Variants in SLC13A2 observed in about 807,000 individuals in gnomAD.
The protein encoded by SLC13A2 is solute carrier family 13 member 2.
Under a neutral mutation model 58.5 loss-of-function variants are expected in SLC13A2, and 40 were observed. The ratio of observed to expected loss-of-function variants is 0.68; its 90% CI spans 0.53 to 0.89. SLC13A2 has a LOEUF of 0.89. Among genes scored for constraint, SLC13A2 ranks in the 40% least tolerant of loss-of-function variants. The pLI, the probability that SLC13A2 is intolerant of heterozygous loss-of-function variation, is 0.00. For missense variants in SLC13A2, 694 were observed against 772.6 expected, an observed-to-expected ratio of 0.90 and a Z score of 1.21; for synonymous variants, 341 against 331.6, an observed-to-expected ratio of 1.03 and a Z score of -0.31.
At chr17:28,480,482 T>C (rs1424749766) in intron 1 of SLC13A2, among the ~76,000 whole-genome samples, 1 of 152,180 alleles carries the variant, frequency 6.6e-6, no homozygotes, top group Admixed American at 6.5e-5. Context: ...TTGAGATTTC[T>C]TGGCCCTCAG....
In SLC13A2 at chr17:28,494,370, C is replaced by T. The variant is rs2069096775; in HGVS notation, c.1187-21C>T. 1.2e-6 allele frequency: 2 copies of T among 1,614,192 alleles called. No individual in the cohort carries two copies. Among genetic ancestry groups the T allele is most frequent in the Non-Finnish European group, 1.7e-6 (2 of 1,180,032 alleles). ...GCCTGTTTGTTCTTTGGTGACCCAT[C>T]CTTCTCTGCTTGGGAAGTAGAAAAC... On this transcript the variant is annotated intron_variant, in intron 8 of 11. Transcript: ENST00000314669. The surrounding 1 kb of genome is among the most constrained non-coding windows in gnomAD (Gnocchi z 4.0).
At position 28,494,067 on chromosome 17, in the gene SLC13A2, T is replaced by C; in HGVS notation, c.1148T>C (p.Ile383Thr). ...VAIFIGIIMF[I>T]IPSKFPGLTQ... is the part of the protein sequence containing the mutation. ...ATCTTCATCGGCATAATTATGTTCA[T>C]CATACCCTCCAAGTTCCCAGGGCTG... is the stretch of plus-strand genomic sequence containing the variant. Residue 383 changes from isoleucine (I) to threonine (T), a missense_variant, in exon 8 of 12, where the codon ATC (isoleucine) becomes ACC (threonine). By Grantham distance (89) the Ile-to-Thr change is moderately conservative (BLOSUM62 -1). Transcript: ENST00000314669. The surrounding 1 kb of genome is among the most constrained non-coding windows in gnomAD (Gnocchi z 4.0). 2.5e-6 allele frequency: 4 copies of C among 1,614,070 alleles called. No individual in the cohort carries two copies. Among genetic ancestry groups the C allele is most frequent in the Non-Finnish European group, 3.4e-6 (4 of 1,180,000 alleles).
At position 28,490,580 on chromosome 17, in the gene SLC13A2, C is replaced by T. The variant is rs782296247; in HGVS notation, c.358C>T (p.Arg120Trp). 2.0e-5 allele frequency: 32 copies of T among 1,597,662 alleles called. No individual in the cohort carries two copies. Among genetic ancestry groups the T allele is most frequent in the Middle Eastern group, 1.7e-4 (1 of 6,014 alleles). The change falls in exon 3 of 12, where the codon CGG becomes TGG. Residue 120 changes from arginine (R) to tryptophan (W), a missense_variant. Arg to Trp is a moderately radical substitution (Grantham distance 101). Coordinates refer to ENST00000314669, the MANE Select transcript of SLC13A2 (RefSeq NM_003984.4). Reference sequence around the variant, plus strand: ...CCGTGTCCTCCTCATCGTTGGGGTGCGGCCTGCCCCGTGAGTTCCTCCTGC... The same window carrying T: ...CCGTGTCCTCCTCATCGTTGGGGTGTGGCCTGCCCCGTGAGTTCCTCCTGC... ...ALRVLLIVGV[R>W]PAPLILGFML...
At chr17:28,489,563 G>A (rs1034620239) in intron 2 of SLC13A2, among the ~76,000 whole-genome samples, 1 of 152,210 alleles carries the variant, frequency 6.6e-6, no homozygotes, top group Non-Finnish European at 1.5e-5. Flanking sequence ...AGAGTGATTA[G>A]CCAGCCGTAG....
Position 28,493,735 on chromosome 17 carries a change from C to A in SLC13A2, c.1043C>A (p.Pro348Gln), listed in dbSNP as rs376704971. 5.6e-6 allele frequency: 9 copies of A among 1,614,080 alleles called. No homozygotes were observed. The highest frequency in any genetic ancestry group is 1.7e-5 in the Admixed American group (1 of 60,012). Residue 348 changes from proline (P) to glutamine (Q), a missense_variant, in exon 7 of 12, where the codon CCG becomes CAG. Coordinates refer to ENST00000314669, the MANE Select transcript of SLC13A2 (RefSeq NM_003984.4). ...ILVLLWFTRE[P>Q]GFFLGWGNLA... Reference sequence around the variant, plus strand: ...GTGCTGCTCTGGTTCACCCGGGAGCCGGGCTTTTTTCTTGGCTGGGGCAAT... The same window carrying A: ...GTGCTGCTCTGGTTCACCCGGGAGCAGGGCTTTTTTCTTGGCTGGGGCAAT...
Position 28,491,420 on chromosome 17 carries a change from C to G in SLC13A2, c.575-17C>G. 2 of 1,612,552 alleles carry G rather than the reference C, an allele frequency of 1.2e-6. No individual in the cohort carries two copies. Among genetic ancestry groups the G allele is most frequent in the Non-Finnish European group, 1.7e-6 (2 of 1,179,616 alleles). On this transcript the variant is annotated splice_polypyrimidine_tract_variant and intron_variant, in intron 4 of 11. Coordinates refer to ENST00000314669, the MANE Select transcript of SLC13A2 (RefSeq NM_003984.4). Reference sequence around the variant, plus strand: ...GGCCCTGTACCTGCCCCCACCTGGGCTCTCCCTTGTTCCCAGATAATGGGC... The same window carrying G: ...GGCCCTGTACCTGCCCCCACCTGGGGTCTCCCTTGTTCCCAGATAATGGGC...
chr17:28,484,423 G>A (rs1215653753), intron 1 of SLC13A2, among the ~76,000 whole-genome samples: 6 of 152,188 alleles, frequency 3.9e-5, no homozygotes, highest in African/African-American at 1.4e-4. Flanking sequence ...GAGGGAGGAT[G>A]CAGTATTTGA....
intron 1 of SLC13A2, among the ~76,000 whole-genome samples, chr17:28,481,138 G>A (rs931253686): frequency 5.3e-5 from 8 of 152,158 alleles, no homozygotes; most frequent in East Asian, 1.9e-4. Context: ...ATCCAGCAGC[G>A]AGGCTCAGGG....
intron 6 of SLC13A2, among the ~76,000 whole-genome samples, chr17:28,492,387 A>G (rs1043470786): frequency 2.6e-5 from 4 of 152,240 alleles, no homozygotes; most frequent in Admixed American, 6.5e-5. Context: ...GTGAGTGAAG[A>G]TTCCAGAACA....
In SLC13A2 at chr17:28,490,448, TG is replaced by T; in HGVS notation, c.232-5del. ...CCCGCCGCTCAGCCATGTCTCCACC[TG>T]CCAGGTTGCCGTCGAGTATCTTAAG... On this transcript the variant is annotated splice_polypyrimidine_tract_variant and splice_region_variant and intron_variant, in intron 2 of 11. Coordinates refer to ENST00000314669, the MANE Select transcript of SLC13A2 (RefSeq NM_003984.4). The T allele has an allele frequency of 6.2e-7, 1 of 1,614,084 alleles. No homozygotes were observed. The highest frequency in any genetic ancestry group is 1.7e-5 in the Admixed American group (1 of 60,008).
At chr17:28,492,048 C>T (rs547080750) in intron 6 of SLC13A2, among the ~76,000 whole-genome samples, 196 bp downstream of exon 6, 19 of 152,210 alleles carry the variant, frequency 1.2e-4, no homozygotes, top group East Asian at 5.8e-4. Flanking sequence ...TTCACAGATG[C>T]GCAAATTGAG....
chr17:28,496,703 A>G lies in SLC13A2; in HGVS notation c.1608+116A>G. On this transcript the variant is annotated intron_variant, in intron 11 of 11. Coordinates refer to ENST00000314669, the MANE Select transcript of SLC13A2 (RefSeq NM_003984.4). The surrounding 1 kb of genome is among the most constrained non-coding windows in gnomAD (Gnocchi z 4.2). ...GAGTCTCAGAGTTGAGCGGGTCCTC[A>G]TCTGGAATGAAGGTGCAGTTGGGGA... 11 of 1,405,712 alleles carry G rather than the reference A, an allele frequency of 7.8e-6. No homozygotes were observed. Among genetic ancestry groups the G allele is most frequent in the Non-Finnish European group, 1.1e-5 (11 of 1,046,100 alleles). The allele number at this position is 1,405,712 out of a possible 1,614,324, so 87.1% of individuals were successfully genotyped here. A position where few individuals can be genotyped will look rare whatever the true frequency, so the allele number is the denominator to read the frequency against.
rs1567856353 is a variant in SLC13A2 at position 28,491,552 on chromosome 17, CATCG to C, written c.691_694del (p.Ile231GlyfsTer6). On this transcript the variant is annotated frameshift_variant, in exon 5 of 12. Coordinates refer to ENST00000314669, the MANE Select transcript of SLC13A2 (RefSeq NM_003984.4). LOFTEE classifies it high-confidence loss of function. ...GCCTGTGCGTGTGCTACTCCGCCAG[CATCG>C]GGGGCATCGCCACGCTGACTGGCAC... 6.2e-7 allele frequency: 1 copy of C among 1,613,730 alleles called. No individual in the cohort carries two copies. The highest frequency in any genetic ancestry group is 1.1e-5 in the South Asian group (1 of 91,090).
intron 1 of SLC13A2, among the ~76,000 whole-genome samples, chr17:28,484,280 C>A (rs909014661): frequency 3.5e-4 from 54 of 152,214 alleles, no homozygotes; most frequent in African/African-American, 1.3e-3. Flanking sequence ...GGAACTATAT[C>A]CCCTCCTGGA....
At chr17:28,479,944 C>T (rs1210534267) in intron 1 of SLC13A2, among the ~76,000 whole-genome samples, 1 of 152,174 alleles carries the variant, frequency 6.6e-6, no homozygotes, top group African/African-American at 2.4e-5. Context: ...CACCTGGAGT[C>T]AGGAGTTCGA....
At position 28,490,825 on chromosome 17, in the gene SLC13A2, A is replaced by G. The variant is rs1555603221; in HGVS notation, c.493A>G (p.Ser165Gly). Residue 165 changes from serine (S) to glycine (G), a missense_variant, in exon 4 of 12, where the codon AGC (serine) becomes GGC (glycine). Transcript: ENST00000314669. Reference sequence around the variant, plus strand: ...GGACCAGCTGCACAGCTCGCAAGCCAGCAGCAACGTCGAGGAGGGCAGCAA... The same window carrying G: ...GGACCAGCTGCACAGCTCGCAAGCCGGCAGCAACGTCGAGGAGGGCAGCAA... The part of the protein sequence containing the change: ...VLDQLHSSQA[S>G]SNVEEGSNNP... 6.2e-7 allele frequency: 1 copy of G among 1,614,072 alleles called. No individual in the cohort carries two copies. Among genetic ancestry groups the G allele is most frequent in the Non-Finnish European group, 8.5e-7 (1 of 1,179,974 alleles).
At chr17:28,484,337 T>C (rs932968191) in intron 1 of SLC13A2, among the ~76,000 whole-genome samples, 15 of 151,870 alleles carry the variant, frequency 9.9e-5, no homozygotes, top group African/African-American at 3.1e-4. Flanking sequence ...CAAGAACCAG[T>C]AGATATCAAC....
Position 28,495,687 on chromosome 17 carries a change from G to C in SLC13A2, c.1341G>C (p.Lys447Asn), listed in dbSNP as rs782734894. 1.1e-5 allele frequency: 17 copies of C among 1,611,084 alleles called. No individual in the cohort carries two copies. The highest frequency in any genetic ancestry group is 1.4e-5 in the Non-Finnish European group (17 of 1,179,866). The change falls in exon 10 of 12, where the codon AAG becomes AAC. Residue 447 changes from lysine to asparagine, a missense_variant. Coordinates refer to ENST00000314669, the MANE Select transcript of SLC13A2 (RefSeq NM_003984.4). ...RSGLSEWLGNKLTPLQSVPAP... is the reference protein window; with the variant it reads ...RSGLSEWLGNNLTPLQSVPAP... ...GCCTGTCAGAGTGGCTGGGAAACAA[G>C]CTGACCCCACTGCAGAGTGTGCCAG...
At position 28,490,921 on chromosome 17, in the gene SLC13A2, G is replaced by T. The variant is rs782274649; in HGVS notation, c.574+15G>T. ...GACCAAGCTTGGTGAGAAAAATGAG[G>T]CTAGACTCTGCCCCAACCCCTTGGT... is the stretch of plus-strand genomic sequence containing the variant. On this transcript the variant is annotated intron_variant, in intron 4 of 11. Coordinates refer to ENST00000314669, the MANE Select transcript of SLC13A2 (RefSeq NM_003984.4). The T allele has an allele frequency of 1.6e-5, 25 of 1,601,122 alleles. 1 individual carries two copies. In the South Asian group the frequency reaches 2.6e-4, roughly 17 times the overall value.
Sources: gnomAD v4.1 joint callset for allele counts (sites outside exome capture counted in the v4.1 genomes callset) on GRCh38, gnomAD v4.1.1 for gene constraint, Gnocchi (gnomAD v3.1) non-coding constraint, MANE v1.5 for transcripts, NCBI Gene and HGNC (gene_info 2026-07-23, HGNC 2026-07-21) for gene names.